The following DHX8 variants were observed in gnomAD, a reference collection of about 807,000 sequenced individuals.
DHX8 encodes the protein ATP-dependent RNA helicase DHX8.
DHX8 carries 67 observed loss-of-function variants against 140.7 expected under a neutral mutation model. The observed-to-expected ratio is 0.48, with a 90% CI of 0.39 to 0.58. The LOEUF (loss-of-function observed/expected upper bound fraction) is 0.58, where lower values mean the gene tolerates loss of function less well. Among genes scored for constraint, DHX8 ranks in the 20% least tolerant of loss-of-function variants. DHX8 has a pLI of 0.00. For synonymous variants in DHX8, 533 were observed against 553.2 expected, an observed-to-expected ratio of 0.96 and a Z score of 0.51; for missense variants, 887 against 1,550.7, an observed-to-expected ratio of 0.57 and a Z score of 7.19.
chr17:43,508,796 T>A (rs1431669354), intron 16 of DHX8, among the ~76,000 whole-genome samples: 1 of 151,976 alleles, frequency 6.6e-6, no homozygotes, highest in Non-Finnish European at 1.5e-5. Context: ...ATTTTTTGTA[T>A]TTTTAGTAGA....
chr17:43,502,417 TTTTAG>T (rs1044166157), intron 11 of DHX8, among the ~76,000 whole-genome samples: 2 of 152,076 alleles, frequency 1.3e-5, no homozygotes, highest in East Asian at 1.9e-4. Flanking sequence ...TGTTTTGTTA[TTTTAG>T]TTTAGTTTAG....
intron 3 of DHX8, among the ~76,000 whole-genome samples, chr17:43,536,812 A>G (rs970978887): frequency 6.6e-6 from 1 of 152,262 alleles, no homozygotes; most frequent in African/African-American, 2.4e-5. Context: ...CTTGCTTGAG[A>G]CTAAAGGCTG....
At chr17:43,489,345 T>G (rs1208738364) in intron 1 of DHX8, 104 bp from the exon 2 acceptor site, 1 of 785,992 alleles carries the variant, frequency 1.3e-6, no homozygotes, top group East Asian at 2.6e-5. Context: ...TGGTCTTTGT[T>G]TTTTATTACT....
chr17:43,530,602 ACG>A (rs200376976), downstream of DHX8, among the ~76,000 whole-genome samples: 52,937 of 132,752 alleles, frequency 0.4, 9,287 homozygotes, highest in East Asian at 0.44. Flanking sequence ...AGCCCTGTGC[ACG>A]CGCGCGTGTG....
At chr17:43,543,296 T>TCTCTCTCTCTCTCTCTCTCA (rs888736657) in intron 3 of DHX8, among the ~76,000 whole-genome samples, 10,985 of 142,834 alleles carry the variant, frequency 0.077, 514 homozygotes, top group Middle Eastern at 0.11. Flanking sequence ...TCTCTCTCTC[T>TCTCTCTCTCTCTCTCTCTCA]CACACACACA....
intron 2 of DHX8, chr17:43,533,119 T>C (rs529463409): frequency 2.2e-5 from 35 of 1,578,452 alleles, no homozygotes; most frequent in Non-Finnish European, 2.8e-5. Context: ...CTCAAGTCTT[T>C]ATGGAGAACA....
At chr17:43,516,743 T>C (rs2154586825) in intron 17 of DHX8, among the ~76,000 whole-genome samples, 1 of 152,304 alleles carries the variant, frequency 6.6e-6, no homozygotes, top group East Asian at 1.9e-4. Context: ...GCCACGACGC[T>C]TGGCCTGCAA....
chr17:43,490,272 C>A, intron 2 of DHX8, 119 bp from the exon 3 acceptor site: 1 of 706,558 alleles, frequency 1.4e-6, no homozygotes, highest in Non-Finnish European at 2.5e-6. Context: ...TTCATGTATT[C>A]CAATTAGCTA....
At chr17:43,509,120 G>A (rs1307128165) in intron 16 of DHX8, among the ~76,000 whole-genome samples, 1 of 152,152 alleles carries the variant, frequency 6.6e-6, no homozygotes, top group African/African-American at 2.4e-5. Flanking sequence ...TCTGCTGTGG[G>A]GCATCCCCCA....
At position 43,507,922 on chromosome 17, in the gene DHX8, A is replaced by G. The variant is rs576520561; in HGVS notation, c.2223A>G (p.Thr741=). 1 of 1,614,226 alleles carries G rather than the reference A, an allele frequency of 6.2e-7. No individual in the cohort carries two copies. The highest frequency in any genetic ancestry group is 2.2e-5 in the East Asian group (1 of 44,884). ...EAPIFTIPGR[T]YPVEILYTKE... ...CCATTTTCACCATCCCAGGTCGAAC[A>G]TATCCAGTGGAAATACTGTACACAA... is the stretch of plus-strand genomic sequence containing the variant. Residue 741 remains threonine, a synonymous_variant, in exon 15 of 23, where the codon ACA becomes ACG. Transcript: ENST00000262415.
At chr17:43,488,273 G>A (rs552113891) in intron 1 of DHX8, among the ~76,000 whole-genome samples, 105 of 145,694 alleles carry the variant, frequency 7.2e-4, no homozygotes, top group East Asian at 2.5e-3. Flanking sequence ...GCGAGACTCC[G>A]TCTCAAAAAA....
chr17:43,536,537 C>T, intron 3 of DHX8: 2 of 1,519,754 alleles, frequency 1.3e-6, no homozygotes, highest in Non-Finnish European at 1.8e-6. Context: ...CCCTGGGAGG[C>T]TCCATTATTA....
chr17:43,492,718 G>A lies in DHX8; in HGVS notation c.541G>A (p.Asp181Asn), dbSNP rs752513444. 5.6e-6 allele frequency: 9 copies of A among 1,608,502 alleles called. No individual in the cohort carries two copies. Among genetic ancestry groups the A allele is most frequent in the African/African-American group, 2.7e-5 (2 of 74,824 alleles). The change falls in exon 6 of 23, where the codon GAT becomes AAT. Residue 181 changes from aspartate (D) to asparagine (N), a missense_variant. By Grantham distance (23) the Asp-to-Asn change is conservative. Coordinates refer to ENST00000262415, the MANE Select transcript of DHX8 (RefSeq NM_004941.3). ...GAAGAAGAAGCGGAGTCGAAGCCGAGATCGAAACCGAGATCGAGACAGAGA... is the reference window on the plus strand; with the variant it reads ...GAAGAAGAAGCGGAGTCGAAGCCGAAATCGAAACCGAGATCGAGACAGAGA... ...TKKKKRSRSRDRNRDRDRDRE... is the reference protein window; with the variant it reads ...TKKKKRSRSRNRNRDRDRDRE...
chr17:43,498,986 G>C (rs753561748), intron 10 of DHX8, 27 bp downstream of exon 10: 2 of 1,530,924 alleles, frequency 1.3e-6, no homozygotes, highest in Non-Finnish European at 1.8e-6. Flanking sequence ...CTTTAACCTG[G>C]AAATGTCAAG....
chr17:43,489,397 C>G, intron 1 of DHX8, 52 bp from the exon 2 acceptor site: 2 of 1,285,342 alleles, frequency 1.6e-6, no homozygotes, highest in South Asian at 2.5e-5. Context: ...ATACTTGAAA[C>G]TGATTTCTTG....
Position 43,521,519 on chromosome 17 carries a change from C to T in DHX8, c.3217C>T (p.Arg1073Cys), listed in dbSNP as rs925440059. The T allele has an allele frequency of 4.3e-6, 7 of 1,613,772 alleles. No homozygotes were observed. Among genetic ancestry groups the T allele is most frequent in the Non-Finnish European group, 1.7e-6 (2 of 1,179,934 alleles). Residue 1073 changes from arginine (R) to cysteine (C), a missense_variant, in exon 21 of 23, where the codon CGC becomes TGC. Around this residue, in one of 9 missense-constraint regions of DHX8, gnomAD observed 101 missense variants for 168.2 expected, o/e 0.60. Coordinates refer to ENST00000262415, the MANE Select transcript of DHX8 (RefSeq NM_004941.3). ...GAACTTTATCCAGGCTCGTTCCCTG[C>T]GCCGGGCCCAGGACATTCGCAAGCA... The part of the protein sequence containing the change: ...YENFIQARSL[R>C]RAQDIRKQML...
At chr17:43,491,512 A>G (rs1968514670) in intron 4 of DHX8, among the ~76,000 whole-genome samples, 1 of 149,332 alleles carries the variant, frequency 6.7e-6, no homozygotes, top group Non-Finnish European at 1.5e-5. Context: ...ACAGATGCCT[A>G]AGGTGTGAAA....
In DHX8 at chr17:43,490,454, A is replaced by T. The variant is rs144941832; in HGVS notation, c.298A>T (p.Thr100Ser). The T allele has an allele frequency of 1.9e-6, 3 of 1,613,516 alleles. No homozygotes were observed. The highest frequency in any genetic ancestry group is 2.2e-5 in the East Asian group (1 of 44,882). ...CATGCGGCCTCCAGCGAAGCCTTCC[A>T]CTAGCAAAGGTAAGCAGAGCTTCCA... ...QTMRPPAKPS[T>S]SKDPVVKPKT... The change falls in exon 3 of 23, where the codon ACT becomes TCT. Residue 100 changes from threonine (T) to serine (S), a missense_variant. This residue lies in a region of DHX8 where 304 missense variants were observed against 306.9 expected (regional missense o/e 0.99). Coordinates refer to ENST00000262415, the MANE Select transcript of DHX8 (RefSeq NM_004941.3).
intron 11 of DHX8, among the ~76,000 whole-genome samples, chr17:43,501,712 C>T (rs559421258): frequency 6.2e-5 from 9 of 144,024 alleles, no homozygotes; most frequent in Admixed American, 1.4e-4. Flanking sequence ...CTCGAACTCG[C>T]GACCTCAGGT....
Sources: allele counts gnomAD v4.1 joint callset (sites outside exome capture counted in the v4.1 genomes callset), GRCh38; gene constraint gnomAD v4.1.1; regional missense constraint gnomAD v4.1.1; transcripts MANE v1.5; gene names NCBI Gene and HGNC (gene_info 2026-07-23, HGNC 2026-07-21).